The following PHKB variants were observed in gnomAD, a reference collection of about 807,000 sequenced individuals.
PHKB encodes phosphorylase b kinase regulatory subunit beta.
A neutral mutation model predicts 152.1 loss-of-function variants in PHKB; 122 were observed. That is an observed-to-expected ratio of 0.80 (90% CI 0.69 to 0.93). PHKB has a LOEUF of 0.93. Among genes scored for constraint, PHKB ranks in the 40% least tolerant of loss-of-function variants. The pLI, the probability that PHKB is intolerant of heterozygous loss-of-function variation, is 0.00. For missense variants in PHKB, 1,304 were observed against 1,328.4 expected, an observed-to-expected ratio of 0.98 and a Z score of 0.29; for synonymous variants, 436 against 464.9, an observed-to-expected ratio of 0.94 and a Z score of 0.80.
In PHKB at chr16:47,481,735, A is replaced by T. The variant is rs554887867; in HGVS notation, c.77-15664A>T. On this transcript the variant is annotated intron_variant, in intron 1 of 30. Coordinates refer to ENST00000323584, the MANE Select transcript of PHKB (RefSeq NM_000293.3). ...TTAAAATATTTCACTTAAGCCTCAC[A>T]ACATCCCTGTGAGGTTATATAATTT... Among the ~76,000 whole-genome samples, 5 of 152,338 alleles carry T rather than the reference A, an allele frequency of 3.3e-5. No individual in the cohort carries two copies. In the East Asian group the frequency reaches 9.7e-4, roughly 29 times the overall value.
At chr16:47,688,449 A>G (rs1197049101) in intron 26 of PHKB, among the ~76,000 whole-genome samples, 4 of 152,206 alleles carry the variant, frequency 2.6e-5, no homozygotes, top group Admixed American at 6.5e-5. Context: ...TCTGCAACCT[A>G]TTGGTTAAAG....
chr16:47,678,192 C>T (rs1597172632), intron 26 of PHKB, among the ~76,000 whole-genome samples: 1 of 151,814 alleles, frequency 6.6e-6, no homozygotes, highest in Non-Finnish European at 1.5e-5. Context: ...GGGTTGGTTC[C>T]AAGTCTTTGC....
intron 7 of PHKB, among the ~76,000 whole-genome samples, chr16:47,556,761 T>C (rs1381981066): frequency 2.0e-5 from 3 of 152,308 alleles, no homozygotes; most frequent in African/African-American, 4.8e-5. Flanking sequence ...CAGGCTTTGG[T>C]ATCAGGATGA....
At chr16:47,520,734 A>T (rs755838805) in intron 6 of PHKB, among the ~76,000 whole-genome samples, 1 of 152,228 alleles carries the variant, frequency 6.6e-6, no homozygotes, top group Non-Finnish European at 1.5e-5. Context: ...AAACAGTGAG[A>T]ATATAAAAAT....
intron 7 of PHKB, among the ~76,000 whole-genome samples, chr16:47,560,307 C>T (rs1971454517): frequency 6.6e-6 from 1 of 152,148 alleles, no homozygotes; most frequent in Admixed American, 6.6e-5. Context: ...ATATTGAAAA[C>T]TGCAAAGAAA....
rs1471607814 is a variant in PHKB, at chr16:47,594,155, C to T, written c.1145C>T (p.Pro382Leu). 3 of 1,554,618 alleles carry T rather than the reference C, an allele frequency of 1.9e-6. No individual in the cohort carries two copies. The South Asian group carries it at 3.3e-5, about 17-fold the overall frequency. Residue 382 changes from proline to leucine, a missense_variant, in exon 12 of 31, where the codon CCT (proline) becomes CTT (leucine). Transcript: ENST00000323584. ...MMIDGVFRGN[P>L]KQVQEYQDLL... Reference sequence around the variant, plus strand: ...ATTTTAGGAGTTTTTAGAGGCAATCCTAAGCAAGTACAGGAATATCAGGAT... The same window carrying T: ...ATTTTAGGAGTTTTTAGAGGCAATCTTAAGCAAGTACAGGAATATCAGGAT...
At chr16:47,616,556 T>C (rs1052309154) in intron 14 of PHKB, among the ~76,000 whole-genome samples, 8 of 141,236 alleles carry the variant, frequency 5.7e-5, no homozygotes, top group Non-Finnish European at 8.0e-5. Flanking sequence ...ATAAAACATA[T>C]GTTAATATAT....
chr16:47,513,614 G>A (rs1006411644), intron 5 of PHKB, among the ~76,000 whole-genome samples: 5 of 152,128 alleles, frequency 3.3e-5, no homozygotes, highest in African/African-American at 1.2e-4. Context: ...AAAGCCTCCA[G>A]GGCACCAATA....
At chr16:47,520,414 T>C (rs1034084378) in intron 6 of PHKB, among the ~76,000 whole-genome samples, 3 of 152,186 alleles carry the variant, frequency 2.0e-5, no homozygotes, top group South Asian at 2.1e-4. Flanking sequence ...ACCAAAATAA[T>C]GCAGAGAGCC....
chr16:47,475,461 A>G (rs569693633), intron 1 of PHKB, among the ~76,000 whole-genome samples: 16 of 152,200 alleles, frequency 1.1e-4, no homozygotes, highest in Non-Finnish European at 2.1e-4. Context: ...GAGTAACGGA[A>G]CATTCTATGG....
intron 1 of PHKB, among the ~76,000 whole-genome samples, chr16:47,473,329 C>G (rs935108155): frequency 4.0e-5 from 6 of 148,250 alleles, no homozygotes; most frequent in Admixed American, 2.1e-4. Context: ...CCCAACTCTG[C>G]CTCCCAAAGT....
chr16:47,544,022 T>A (rs889941709), intron 6 of PHKB, among the ~76,000 whole-genome samples: 8 of 152,206 alleles, frequency 5.3e-5, no homozygotes, highest in Admixed American at 4.6e-4. Context: ...ATTTTGTTGA[T>A]CTTTTCAAAA....
intron 13 of PHKB, among the ~76,000 whole-genome samples, chr16:47,610,390 T>C (rs1256454935): frequency 6.6e-6 from 1 of 152,020 alleles, no homozygotes; most frequent in Non-Finnish European, 1.5e-5. Context: ...TTTATAGCTA[T>C]AATTTTTTCT....
chr16:47,665,997 C>T, intron 25 of PHKB: 1 of 1,613,836 alleles, frequency 6.2e-7, no homozygotes, highest in South Asian at 1.1e-5. Flanking sequence ...CAGCCTGGCC[C>T]CATCCATTAC....
intron 4 of PHKB, among the ~76,000 whole-genome samples, chr16:47,505,925 C>G (rs1023414915): frequency 6.7e-6 from 1 of 148,180 alleles, no homozygotes; most frequent in African/African-American, 2.5e-5. Context: ...CCCACCTGCT[C>G]AGGAAGCTGA....
At chr16:47,567,530 C>A (rs751525609) in intron 7 of PHKB, among the ~76,000 whole-genome samples, 4 of 152,130 alleles carry the variant, frequency 2.6e-5, no homozygotes, top group African/African-American at 4.8e-5. Context: ...CCCTTTATTT[C>A]TGTCTTTTGC....
At chr16:47,643,302 G>T (rs1973058413) in intron 16 of PHKB, among the ~76,000 whole-genome samples, 1 of 152,122 alleles carries the variant, frequency 6.6e-6, no homozygotes, top group African/African-American at 2.4e-5. Flanking sequence ...TGACCTCTGG[G>T]TTTATTGGTT....
intron 14 of PHKB, among the ~76,000 whole-genome samples, chr16:47,636,226 A>G (rs1205891485): frequency 6.6e-6 from 1 of 152,246 alleles, no homozygotes; most frequent in Non-Finnish European, 1.5e-5. Flanking sequence ...CTAGAACTTA[A>G]GAGAAAGGTC....
chr16:47,506,976 G>C (rs1000170855), intron 4 of PHKB, among the ~76,000 whole-genome samples: 2 of 151,982 alleles, frequency 1.3e-5, no homozygotes, highest in South Asian at 4.2e-4. Context: ...TTTTATTGTT[G>C]TTTGGCTGGT....
Sources: gnomAD v4.1 joint callset for allele counts (sites outside exome capture counted in the v4.1 genomes callset) on GRCh38, gnomAD v4.1.1 for gene constraint, MANE v1.5 for transcripts, NCBI Gene and HGNC (gene_info 2026-07-23, HGNC 2026-07-21) for gene names.